Variants in LTBP1 observed in about 807,000 individuals in gnomAD.
LTBP1 encodes latent transforming growth factor beta binding protein 1.
LTBP1 carries 129 observed loss-of-function variants against 207.6 expected under a neutral mutation model. The observed-to-expected ratio is 0.62, with a 90% CI of 0.54 to 0.72. The LOEUF is 0.72. Among genes scored for constraint, LTBP1 ranks in the 30% least tolerant of loss-of-function variants. The pLI, the probability that LTBP1 is intolerant of heterozygous loss-of-function variation, is 0.00. For synonymous variants in LTBP1, 963 were observed against 833.7 expected (o/e 1.16, Z -2.67); for missense variants, 2,281 against 2,217.2 (o/e 1.03, Z -0.58).
At chr2:32,955,996 A>G (rs1240973633) in intron 2 of LTBP1, among the ~76,000 whole-genome samples, 1 of 152,208 alleles carries the variant, frequency 6.6e-6, no homozygotes, top group Non-Finnish European at 1.5e-5. Flanking sequence ...TCATGTTTAT[A>G]TACTATATTG....
chr2:33,318,815 C>CA lies in LTBP1; in HGVS notation c.3730+3552dup, dbSNP rs560330417. Reference sequence around the variant, plus strand: ...CATTTGATCATATCCATTTGTTTAGCAAAAAATCATAATTCTTTTGCCTTT... The same window carrying CA: ...CATTTGATCATATCCATTTGTTTAGCAAAAAAATCATAATTCTTTTGCCTTT... On this transcript the variant is annotated intron_variant, in intron 24 of 33. Transcript: ENST00000404816. Among the ~76,000 whole-genome samples, 137 of 152,214 alleles carry CA rather than the reference C, an allele frequency of 9.0e-4. 1 individual carries two copies. The highest frequency in any genetic ancestry group is 3.2e-3 in the African/African-American group (133 of 41,558).
chr2:33,394,580 G>A (rs1042625100), intron 32 of LTBP1, among the ~76,000 whole-genome samples: 26 of 152,238 alleles, frequency 1.7e-4, no homozygotes, highest in African/African-American at 5.8e-4. Context: ...CCCATTTCTT[G>A]TTTTTGTCAG....
intron 2 of LTBP1, among the ~76,000 whole-genome samples, chr2:32,964,136 C>T (rs1361814921): frequency 1.3e-5 from 2 of 152,124 alleles, no homozygotes; most frequent in African/African-American, 4.8e-5. Context: ...CCCAGTTGTT[C>T]CTTGGGGTCA....
Position 33,243,681 on chromosome 2 carries a change from A to G in LTBP1, c.1896A>G (p.Leu632=). ...TFCQDINECQ[L]QGVCPNGECL... The stretch of plus-strand genomic sequence containing the variant: ...CTGCAGATATTAATGAATGTCAGCT[A>G]CAAGGTGTATGCCCTAATGGTGAGT... The change falls in exon 10 of 34, where the codon CTA becomes CTG. Residue 632 remains leucine (L), a synonymous_variant. Coordinates refer to ENST00000404816, the MANE Select transcript of LTBP1 (RefSeq NM_206943.4). The G allele has an allele frequency of 6.2e-7, 1 of 1,613,918 alleles. No individual in the cohort carries two copies. Among genetic ancestry groups the G allele is most frequent in the Middle Eastern group, 1.7e-4 (1 of 6,060 alleles).
intron 5 of LTBP1, among the ~76,000 whole-genome samples, chr2:33,161,142 C>T (rs928115588): frequency 2.6e-5 from 4 of 152,008 alleles, no homozygotes; most frequent in African/African-American, 9.7e-5. Flanking sequence ...CGATGTCATT[C>T]ACAGGATGGC....
intron 3 of LTBP1, 135 bp downstream of exon 3, chr2:33,021,341 A>C: frequency 1.2e-6 from 1 of 836,304 alleles, no homozygotes; most frequent in Non-Finnish European, 1.8e-6. Flanking sequence ...TTCCTTTCTT[A>C]AGGCTTTACA....
At chr2:33,013,328 T>C (rs1010140294) in intron 2 of LTBP1, among the ~76,000 whole-genome samples, 3 of 152,144 alleles carry the variant, frequency 2.0e-5, no homozygotes, top group African/African-American at 7.2e-5. Flanking sequence ...ATTTGGACAT[T>C]ACCCTATAAG....
intron 5 of LTBP1, among the ~76,000 whole-genome samples, chr2:33,177,158 A>G (rs1207030380): frequency 2.0e-5 from 3 of 152,158 alleles, no homozygotes; most frequent in Non-Finnish European, 4.4e-5. Context: ...TATGCTCTGT[A>G]TTCTCCCCAT....
chr2:33,281,705 A>C (rs1376526844), intron 19 of LTBP1, among the ~76,000 whole-genome samples: 6 of 152,114 alleles, frequency 3.9e-5, no homozygotes, highest in Non-Finnish European at 8.8e-5. Context: ...CTGCTGATGG[A>C]GTTGTGAGAT....
At chr2:32,992,043 A>G (rs761941813) in intron 2 of LTBP1, among the ~76,000 whole-genome samples, 5 of 152,156 alleles carry the variant, frequency 3.3e-5, no homozygotes, top group Non-Finnish European at 5.9e-5. Context: ...CTTTTGTCAG[A>G]ATTTGTGTTT....
intron 17 of LTBP1, 82 bp from the exon 18 acceptor site, chr2:33,275,719 A>T (rs765648842): frequency 2.6e-6 from 4 of 1,534,938 alleles, no homozygotes; most frequent in Non-Finnish European, 3.6e-6. Context: ...TCGTTATTAT[A>T]TTTGAGCTAA....
At chr2:33,165,732 C>T (rs534032310) in intron 5 of LTBP1, among the ~76,000 whole-genome samples, 4 of 152,228 alleles carry the variant, frequency 2.6e-5, no homozygotes, top group East Asian at 1.9e-4. Flanking sequence ...TTTTAGCAGA[C>T]GGAGTCTCTT....
intron 1 of LTBP1, among the ~76,000 whole-genome samples, chr2:32,948,352 A>G (rs904187143): frequency 1.3e-5 from 2 of 152,108 alleles, no homozygotes; most frequent in African/African-American, 4.8e-5. Context: ...CTTGGTATTG[A>G]TAAAAGTTTT....
At chr2:33,120,964 T>C (rs2081074227) in intron 4 of LTBP1, among the ~76,000 whole-genome samples, 1 of 152,228 alleles carries the variant, frequency 6.6e-6, no homozygotes, top group African/African-American at 2.4e-5. Flanking sequence ...TTTAGCATGG[T>C]ATGCAAGTCA....
At chr2:33,006,754 T>C (rs1028014343) in intron 2 of LTBP1, among the ~76,000 whole-genome samples, 10 of 139,768 alleles carry the variant, frequency 7.2e-5, no homozygotes, top group African/African-American at 2.3e-4. Context: ...CTTGTTCCTT[T>C]CAGCTATTCC....
intron 25 of LTBP1, 24 bp downstream of exon 25, chr2:33,342,987 A>C (rs775383558): frequency 2.3e-5 from 37 of 1,603,612 alleles, no homozygotes; most frequent in Non-Finnish European, 8.5e-6. Context: ...TTTTTTCCCA[A>C]CGTGTTTCAC....
At chr2:33,012,551 C>T (rs994472198) in intron 2 of LTBP1, among the ~76,000 whole-genome samples, 11 of 152,174 alleles carry the variant, frequency 7.2e-5, no homozygotes, top group African/African-American at 2.4e-4. Flanking sequence ...TATTATGACA[C>T]GTAGCTGTAT....
In LTBP1 at chr2:33,051,842, G is replaced by A. The variant is rs182365565; in HGVS notation, c.863+30636G>A. 2.6e-5 allele frequency among the ~76,000 whole-genome samples: 4 copies of A among 152,262 alleles called. No individual in the cohort carries two copies. The East Asian group carries it at 5.8e-4, about 22-fold the overall frequency. On this transcript the variant is annotated intron_variant, in intron 3 of 33. Coordinates refer to ENST00000404816, the MANE Select transcript of LTBP1 (RefSeq NM_206943.4). ...CTTACTACCATCTAAGTCCTAGAAG[G>A]CCTATCAACTCTCCCCAGGAAATGT... is the stretch of plus-strand genomic sequence containing the variant.
At chr2:33,126,029 T>C (rs889988992) in intron 4 of LTBP1, among the ~76,000 whole-genome samples, 1 of 151,824 alleles carries the variant, frequency 6.6e-6, no homozygotes, top group Non-Finnish European at 1.5e-5. Flanking sequence ...ACTTTCAAGG[T>C]GGTTCACTCA....
Sources: gnomAD v4.1 joint callset for allele counts (sites outside exome capture counted in the v4.1 genomes callset) on GRCh38, gnomAD v4.1.1 for gene constraint, MANE v1.5 for transcripts, NCBI Gene and HGNC (gene_info 2026-07-23, HGNC 2026-07-21) for gene names.